IMMP2L: variants seen among roughly 807,000 people sequenced by gnomAD.
The protein encoded by IMMP2L is inner mitochondrial membrane peptidase subunit 2.
In IMMP2L, 18 loss-of-function variants were observed where a neutral mutation model predicts 19.3. The ratio of observed to expected loss-of-function variants is 0.93; its 90% confidence interval spans 0.64 to 1.38. The LOEUF (loss-of-function observed/expected upper bound fraction) is 1.38, where lower values mean the gene tolerates loss of function less well. Ranked by LOEUF, IMMP2L falls within the 40% of genes most tolerant of loss-of-function variation. The pLI is 0.00. For missense variants in IMMP2L, 233 were observed against 218.2 expected (o/e 1.07, Z -0.43); for synonymous variants, 76 against 73.0 (o/e 1.04, Z -0.21).
At chr7:111,444,422 GC>G (rs1338887066) in intron 3 of IMMP2L, among the ~76,000 whole-genome samples, 3 of 152,048 alleles carry the variant, frequency 2.0e-5, no homozygotes, top group Non-Finnish European at 4.4e-5. Flanking sequence ...ACCTCTCAGT[GC>G]CATAATTTTC....
intron 3 of IMMP2L, among the ~76,000 whole-genome samples, chr7:111,416,126 C>A (rs1179843149): frequency 6.6e-6 from 1 of 151,696 alleles, no homozygotes; most frequent in Non-Finnish European, 1.5e-5. Context: ...TTTGTCAACA[C>A]CCAACTACGC....
chr7:111,035,680 A>G (rs1791271316), intron 3 of IMMP2L, among the ~76,000 whole-genome samples: 1 of 152,198 alleles, frequency 6.6e-6, no homozygotes, highest in South Asian at 2.1e-4. Context: ...TCCTCCTGTC[A>G]ATAAGAAGAA....
At chr7:111,370,828 T>A (rs978119277) in intron 3 of IMMP2L, among the ~76,000 whole-genome samples, 1 of 151,942 alleles carries the variant, frequency 6.6e-6, no homozygotes, top group African/African-American at 2.4e-5. Flanking sequence ...TAAGTTTTAT[T>A]TAAAGATAAA....
chr7:111,351,540 C>A (rs924947226), intron 3 of IMMP2L, among the ~76,000 whole-genome samples: 1 of 152,126 alleles, frequency 6.6e-6, no homozygotes, highest in African/African-American at 2.4e-5. Flanking sequence ...TGATGATAGC[C>A]AGCTACAGGA....
intron 5 of IMMP2L, among the ~76,000 whole-genome samples, chr7:110,697,388 A>G (rs965161008): frequency 2.6e-5 from 4 of 152,220 alleles, no homozygotes; most frequent in Non-Finnish European, 5.9e-5. Flanking sequence ...TTATACCCTT[A>G]AAAAGAATGG....
chr7:111,455,405 C>G (rs908877063), intron 3 of IMMP2L, among the ~76,000 whole-genome samples: 4 of 151,940 alleles, frequency 2.6e-5, no homozygotes, highest in Non-Finnish European at 5.9e-5. Flanking sequence ...TTAAAAGTAT[C>G]CCTTGACAGA....
In IMMP2L at chr7:111,558,624, T is replaced by C. The variant is rs143494328; in HGVS notation, c.-3+3227A>G. Among the ~76,000 whole-genome samples, 30 of 152,232 alleles carry C rather than the reference T, an allele frequency of 2.0e-4. No homozygotes were observed. The East Asian group carries it at 4.6e-3, about 24-fold the overall frequency. ...TTCTATACCCCTCACTACCTCAAAATGGAGGGAGACGTGGTCCAGCCATTC... is the reference window on the plus strand; with the variant it reads ...TTCTATACCCCTCACTACCTCAAAACGGAGGGAGACGTGGTCCAGCCATTC... On this transcript the variant is annotated intron_variant, in intron 1 of 5. Coordinates refer to ENST00000405709, the MANE Select transcript of IMMP2L (RefSeq NM_032549.4).
chr7:111,500,482 A>G (rs1292713725), intron 2 of IMMP2L, among the ~76,000 whole-genome samples: 3 of 152,158 alleles, frequency 2.0e-5, no homozygotes, highest in Non-Finnish European at 2.9e-5. Context: ...ACACAGCTGG[A>G]GATCTGAGAA....
intron 3 of IMMP2L, among the ~76,000 whole-genome samples, chr7:111,260,462 G>T (rs1017436112): frequency 1.3e-5 from 2 of 152,050 alleles, no homozygotes; most frequent in African/African-American, 4.8e-5. Context: ...TGTCCCCTTG[G>T]CCAGTTCACT....
intron 5 of IMMP2L, among the ~76,000 whole-genome samples, chr7:110,706,396 G>C (rs931822638): frequency 5.9e-5 from 9 of 152,188 alleles, no homozygotes; most frequent in African/African-American, 2.2e-4. Flanking sequence ...GAGCCACTAT[G>C]TCCAGCAGTA....
At chr7:111,068,792 T>C (rs1203472627) in intron 3 of IMMP2L, among the ~76,000 whole-genome samples, 1 of 152,192 alleles carries the variant, frequency 6.6e-6, no homozygotes, top group African/African-American at 2.4e-5. Flanking sequence ...CTCTGAACTT[T>C]AAACTTCCCA....
At chr7:111,044,645 CT>C (rs1792214777) in intron 3 of IMMP2L, among the ~76,000 whole-genome samples, 2 of 152,184 alleles carry the variant, frequency 1.3e-5, no homozygotes, top group African/African-American at 4.8e-5. Context: ...ATTTGTCAAT[CT>C]ACTGTCATAT....
intron 5 of IMMP2L, among the ~76,000 whole-genome samples, chr7:110,861,519 C>A (rs1807431289): frequency 6.6e-6 from 1 of 152,100 alleles, no homozygotes; most frequent in South Asian, 2.1e-4. Context: ...CAGCCTCAGC[C>A]TCCCAAAGTG....
chr7:111,272,725 C>T (rs1053002951), intron 3 of IMMP2L, among the ~76,000 whole-genome samples: 1 of 152,120 alleles, frequency 6.6e-6, no homozygotes, highest in African/African-American at 2.4e-5. Context: ...CAGGACATCC[C>T]CAACCTTTTC....
intron 2 of IMMP2L, among the ~76,000 whole-genome samples, chr7:111,510,368 T>A (rs1378140354): frequency 6.6e-6 from 1 of 152,142 alleles, no homozygotes. Context: ...TGCTGTATTG[T>A]ATTATATACA....
chr7:111,010,985 C>T (rs959284500), intron 3 of IMMP2L, among the ~76,000 whole-genome samples: 4 of 151,762 alleles, frequency 2.6e-5, no homozygotes, highest in African/African-American at 9.7e-5. Flanking sequence ...TGAAAGTGTC[C>T]CCAGCATGCG....
At chr7:111,005,629 G>T (rs1233011464) in intron 3 of IMMP2L, among the ~76,000 whole-genome samples, 1 of 152,136 alleles carries the variant, frequency 6.6e-6, no homozygotes, top group Non-Finnish European at 1.5e-5. Flanking sequence ...TCCTGTAAGG[G>T]TGTCACAATC....
rs1207722839 is a variant in IMMP2L at position 110,693,245 on chromosome 7, T to A, written c.409-29524A>T. Among the ~76,000 whole-genome samples, 14 of 152,294 alleles carry A rather than the reference T, an allele frequency of 9.2e-5. No homozygotes were observed. In the East Asian group the frequency reaches 2.7e-3, roughly 29 times the overall value. ...TTTTGTGTACTCTAATGCTGAGTGA[T>A]CTCCCAGCTCTAAGAGAACAACCAT... On this transcript the variant is annotated intron_variant, in intron 5 of 5. Coordinates refer to ENST00000405709, the MANE Select transcript of IMMP2L (RefSeq NM_032549.4).
intron 1 of IMMP2L, among the ~76,000 whole-genome samples, chr7:111,524,362 T>C (rs1051802539): frequency 1.3e-5 from 2 of 152,118 alleles, no homozygotes; most frequent in Non-Finnish European, 2.9e-5. Flanking sequence ...AGTTACTACG[T>C]AGAAGAGAAA....
Sources: allele counts gnomAD v4.1 joint callset (sites outside exome capture counted in the v4.1 genomes callset), GRCh38; gene constraint gnomAD v4.1.1; transcripts MANE v1.5; gene names NCBI Gene and HGNC (gene_info 2026-07-23, HGNC 2026-07-21).